The following CENPT variants were observed in gnomAD, a reference collection of about 807,000 sequenced individuals.
The protein encoded by CENPT is interphase centromere complex protein 22.
Under a neutral mutation model 59.7 loss-of-function variants are expected in CENPT, and 42 were observed. That is an observed-to-expected ratio of 0.70 (90% CI 0.55 to 0.91). CENPT has a LOEUF of 0.91. Among genes scored for constraint, CENPT ranks in the 40% least tolerant of loss-of-function variants. The pLI is 0.00. For synonymous variants in CENPT, 295 were observed against 289.6 expected (o/e 1.02, Z -0.19); for missense variants, 716 against 713.4 (o/e 1.00, Z -0.04).
chr16:67,843,498 G>GA lies in CENPT; in HGVS notation c.-492+3902dup. 1 of 1,604,636 alleles carries GA rather than the reference G, an allele frequency of 6.2e-7. No homozygotes were observed. The highest frequency in any genetic ancestry group is 8.5e-7 in the Non-Finnish European group (1 of 1,174,782). On this transcript the variant is annotated intron_variant, in intron 1 of 15. Transcript: ENST00000562787. This position sits in a 1 kb window ranked among gnomAD's most constrained non-coding sequence, Gnocchi z 5.7. ...GTCATCCGCAAGAAGCACGGAATGT[G>GA]AACTGGTGCCCCGGCAGCCTGCTGG...
At chr16:67,841,124 G>A (rs1180268817) in intron 1 of CENPT, among the ~76,000 whole-genome samples, 1 of 132,872 alleles carries the variant, frequency 7.5e-6, no homozygotes, top group Admixed American at 7.6e-5. Flanking sequence ...GAACCCAGGA[G>A]GCGGAGGTTG....
chr16:67,831,382 G>A, intron 9 of CENPT, 24 bp from the exon 10 acceptor site: 1 of 1,608,658 alleles, frequency 6.2e-7, no homozygotes, highest in African/African-American at 1.3e-5. Context: ...GAGGCACAGA[G>A]GAAAGTCAGG....
In CENPT at chr16:67,830,398, T is replaced by C. The variant is rs2057674562; in HGVS notation, c.854A>G (p.Gln285Arg). The C allele has an allele frequency of 1.2e-6, 2 of 1,606,656 alleles. No individual in the cohort carries two copies. Among genetic ancestry groups the C allele is most frequent in the Non-Finnish European group, 1.7e-6 (2 of 1,177,436 alleles). ...RKTQSSGPGLQKNSPGKPAQF... is the reference protein window; with the variant it reads ...RKTQSSGPGLRKNSPGKPAQF... ...CAGTGCCACACACTCACTATTCTTC[T>C]GCAGCCCAGGCCCACTGCTCTGTGT... The change falls in exon 11 of 16, where the codon CAG becomes CGG. Residue 285 changes from glutamine (Q) to arginine (R), a missense_variant. Gln to Arg is a conservative substitution (Grantham distance 43). Transcript: ENST00000562787.
intron 10 of CENPT, 120 bp from the exon 11 acceptor site, chr16:67,830,668 G>A: frequency 1.0e-6 from 1 of 1,004,618 alleles, no homozygotes; most frequent in Non-Finnish European, 1.5e-6. Flanking sequence ...TGGACAGTGG[G>A]CTGCATGGGT....
In CENPT at chr16:67,831,819, C is replaced by T; in HGVS notation, c.458G>A (p.Arg153Lys). 1 of 1,604,400 alleles carries T rather than the reference C, an allele frequency of 6.2e-7. No individual in the cohort carries two copies. The highest frequency in any genetic ancestry group is 1.7e-5 in the Admixed American group (1 of 57,874). Residue 153 changes from arginine to lysine, a missense_variant, in exon 8 of 16, where the codon AGG (arginine) becomes AAG (lysine). Coordinates refer to ENST00000562787, the MANE Select transcript of CENPT (RefSeq NM_025082.4). ...CACTGACAGTCTCAGCCTCTGTTTCCTCCTGCCAGGGGCCAGCAGACCTGG... is the reference window on the plus strand; with the variant it reads ...CACTGACAGTCTCAGCCTCTGTTTCTTCCTGCCAGGGGCCAGCAGACCTGG... ...LAPGLLAPGR[R>K]KQRLRLSVFQ... is the part of the protein sequence containing the mutation.
At chr16:67,838,402 A>T (rs2057744045) in intron 1 of CENPT, among the ~76,000 whole-genome samples, 1 of 151,692 alleles carries the variant, frequency 6.6e-6, no homozygotes, top group South Asian at 2.1e-4. Context: ...CAGGCTGATC[A>T]CCTGGGGTCA....
rs1454703653 is a variant in CENPT at position 67,828,688 on chromosome 16, G to A, written c.1436C>T (p.Ala479Val). 1 of 1,614,078 alleles carries A rather than the reference G, an allele frequency of 6.2e-7. No homozygotes were observed. The highest frequency in any genetic ancestry group is 1.3e-5 in the African/African-American group (1 of 74,932). Reference sequence around the variant, plus strand: ...TCACCACTTCTCCACCATCTCAAGAGCCTTCCTCTCCATGGGCATCTTGGC... The same window carrying A: ...TCACCACTTCTCCACCATCTCAAGAACCTTCCTCTCCATGGGCATCTTGGC... The part of the protein sequence containing the change: ...FYAKMPMERK[A>V]LEMVEKCLDK... The change falls in exon 14 of 16, where the codon GCT becomes GTT. Residue 479 changes from alanine to valine, a missense_variant. Transcript: ENST00000562787.
intron 3 of CENPT, 77 bp downstream of exon 3, chr16:67,835,094 GC>G (rs1316300496): frequency 6.6e-6 from 1 of 152,150 alleles, no homozygotes; most frequent in Non-Finnish European, 1.5e-5. Flanking sequence ...GCCTGCCTCG[GC>G]CTCCCAAAGT....
chr16:67,834,071 T>C lies in CENPT; in HGVS notation c.-212A>G. On this transcript the variant is annotated 5_prime_UTR_variant, in exon 4 of 16. Transcript: ENST00000562787. ...TGCGGGTAAACCTCGGTTAATGTAATGCAAGCAGCCCAAGTCTTGGCTTCT... is the reference window on the plus strand; with the variant it reads ...TGCGGGTAAACCTCGGTTAATGTAACGCAAGCAGCCCAAGTCTTGGCTTCT... 2.1e-6 allele frequency: 1 copy of C among 471,564 alleles called. No homozygotes were observed. The highest frequency in any genetic ancestry group is 3.8e-6 in the Non-Finnish European group (1 of 265,512). 29.2% of individuals were successfully genotyped at this position (471,564 alleles called of 1,614,324 possible).
chr16:67,830,031 G>A lies in CENPT; in HGVS notation c.920C>T (p.Ala307Val), dbSNP rs1417666615. 2.5e-6 allele frequency: 4 copies of A among 1,614,096 alleles called. No homozygotes were observed. In the African/African-American group the frequency reaches 5.3e-5, roughly 22 times the overall value. ...AGEAEEVNAF[A>V]LGFLSTSSGV... Reference sequence around the variant, plus strand: ...ACTGCTGGTGCTCAGGAAGCCCAGAGCAAAGGCATTGACCTCCTCTGCCTC... The same window carrying A: ...ACTGCTGGTGCTCAGGAAGCCCAGAACAAAGGCATTGACCTCCTCTGCCTC... The change falls in exon 12 of 16, where the codon GCT (alanine) becomes GTT (valine). Residue 307 changes from alanine to valine, a missense_variant. By Grantham distance (64) the Ala-to-Val change is moderately conservative (BLOSUM62 0). Coordinates refer to ENST00000562787, the MANE Select transcript of CENPT (RefSeq NM_025082.4).
intron 3 of CENPT, among the ~76,000 whole-genome samples, chr16:67,834,936 G>C (rs1214595592): frequency 6.6e-6 from 1 of 152,078 alleles, no homozygotes. Flanking sequence ...CCACCTCCTG[G>C]GTTCAAGCGA....
chr16:67,842,875 A>ACAG lies in CENPT; in HGVS notation c.-492+4523_-492+4525dup, dbSNP rs762773277. 4.7e-4 allele frequency: 759 copies of ACAG among 1,600,162 alleles called. 2 individuals carry two copies. Among genetic ancestry groups the ACAG allele is most frequent in the Middle Eastern group, 2.9e-3 (17 of 5,884 alleles). Reference sequence around the variant, plus strand: ...CCGCCCGCCGCAGGCAGCAGCAGCAACAGCAGCAGCAGCAGCAACAGCAGC... The same window carrying ACAG: ...CCGCCCGCCGCAGGCAGCAGCAGCAACAGCAGCAGCAGCAGCAGCAACAGCAGC... On this transcript the variant is annotated intron_variant, in intron 1 of 15. Transcript: ENST00000562787. This position sits in a 1 kb window ranked among gnomAD's most constrained non-coding sequence, Gnocchi z 4.9.
chr16:67,830,640 C>G, intron 10 of CENPT, 92 bp from the exon 11 acceptor site: 1 of 1,361,880 alleles, frequency 7.3e-7, no homozygotes, highest in Non-Finnish European at 1.0e-6. Context: ...CCGGCTGCTA[C>G]TCAGCGTTGC....
rs2057777935 is a variant in CENPT at position 67,843,286 on chromosome 16, T to C, written c.-492+4115A>G. 6.2e-7 allele frequency: 1 copy of C among 1,613,760 alleles called. No homozygotes were observed. The highest frequency in any genetic ancestry group is 8.5e-7 in the Non-Finnish European group (1 of 1,179,982). ...GCTTCCCTGATACTGGCTCCGACCA[T>C]TCGTACTCCTTGTCGTCAGGCACCA... On this transcript the variant is annotated intron_variant, in intron 1 of 15. Transcript: ENST00000562787. This position sits in a 1 kb window ranked among gnomAD's most constrained non-coding sequence, Gnocchi z 5.7.
chr16:67,836,439 CT>C (rs568930990), intron 1 of CENPT, among the ~76,000 whole-genome samples: 18,764 of 135,684 alleles, frequency 0.14, 2,176 homozygotes, highest in African/African-American at 0.35. Flanking sequence ...AAACAAACAT[CT>C]TTTTTTTTTT....
In CENPT at chr16:67,843,242, G is replaced by A. The variant is rs2057777738; in HGVS notation, c.-492+4159C>T. 1.2e-6 allele frequency: 2 copies of A among 1,612,128 alleles called. No individual in the cohort carries two copies. The highest frequency in any genetic ancestry group is 1.7e-6 in the Non-Finnish European group (2 of 1,179,248). Reference sequence around the variant, plus strand: ...CGAGTGCCCTATGGGCCCCCAGTTGGTGGTGGTAGGGGAAGAGGGCTTCCC... The same window carrying A: ...CGAGTGCCCTATGGGCCCCCAGTTGATGGTGGTAGGGGAAGAGGGCTTCCC... On this transcript the variant is annotated intron_variant, in intron 1 of 15. Coordinates refer to ENST00000562787, the MANE Select transcript of CENPT (RefSeq NM_025082.4). This position sits in a 1 kb window ranked among gnomAD's most constrained non-coding sequence, Gnocchi z 5.7.
Position 67,832,460 on chromosome 16 carries a change from C to G in CENPT, c.196G>C (p.Ala66Pro), listed in dbSNP as rs1299455750. The change falls in exon 5 of 16, where the codon GCC becomes CCC. Residue 66 changes from alanine (A) to proline (P), a missense_variant. Coordinates refer to ENST00000562787, the MANE Select transcript of CENPT (RefSeq NM_025082.4). ...RTIARGRSHGARSVGRSAHIQ... is the reference protein window; with the variant it reads ...RTIARGRSHGPRSVGRSAHIQ... ...TCAGTGGGCTGGGTACTTACCCTGG[C>G]TCCATGGGAACGCCCTCTGGCTATC... The G allele has an allele frequency of 6.2e-7, 1 of 1,614,188 alleles. No individual in the cohort carries two copies. Among genetic ancestry groups the G allele is most frequent in the Admixed American group, 1.7e-5 (1 of 60,014 alleles).
intron 1 of CENPT, among the ~76,000 whole-genome samples, chr16:67,846,545 C>T (rs2057800192): frequency 6.6e-6 from 1 of 152,242 alleles, no homozygotes; most frequent in Non-Finnish European, 1.5e-5. Flanking sequence ...GCCCAGGGGC[C>T]CAGGGAGGGG....
In CENPT at chr16:67,831,307, C is replaced by T; in HGVS notation, c.612G>A (p.Arg204=). ...ATPLQPQSVQ[R]PGLARRPPAR... is the part of the protein sequence containing the mutation. ...CTGGAGGTCTGCGGGCCAAGCCAGG[C>T]CTCTGCACTGACTGTGGCTGAAGAG... The change falls in exon 10 of 16, where the codon AGG becomes AGA. Residue 204 remains arginine, a synonymous_variant. Transcript: ENST00000562787. 6.2e-7 allele frequency: 1 copy of T among 1,614,194 alleles called. No homozygotes were observed. Among genetic ancestry groups the T allele is most frequent in the Non-Finnish European group, 8.5e-7 (1 of 1,180,026 alleles).
Sources: gnomAD v4.1 joint callset for allele counts (sites outside exome capture counted in the v4.1 genomes callset) on GRCh38, gnomAD v4.1.1 for gene constraint, Gnocchi (gnomAD v3.1) non-coding constraint, MANE v1.5 for transcripts, NCBI Gene and HGNC (gene_info 2026-07-23, HGNC 2026-07-21) for gene names.